The following DMD variants were observed in gnomAD, a reference collection of about 807,000 sequenced individuals.
DMD encodes the protein mutant dystrophin.
Under a neutral mutation model 330.1 loss-of-function variants are expected in DMD, and 63 were observed. The ratio of observed to expected loss-of-function variants is 0.19; its 90% CI spans 0.16 to 0.24. DMD has a LOEUF of 0.24. DMD is among the 10% of genes least tolerant of loss of function. The pLI is 1.00. For synonymous variants in DMD, 1,223 were observed against 959.8 expected (o/e 1.27, Z -5.07); for missense variants, 3,344 against 2,684.1 (o/e 1.25, Z -5.43).
intron 1 of DMD, among the ~76,000 whole-genome samples, chrX:33,052,914 T>C (rs956385561): frequency 2.7e-5 from 3 of 111,849 alleles, no homozygotes; most frequent in Non-Finnish European, 3.8e-5. Flanking sequence ...TATCAAAATA[T>C]CTCATGTGCT....
In DMD at chrX:31,487,512, C is replaced by T. The variant is rs766052062; in HGVS notation, c.8548-8409G>A. ...CTTGATCTCCGGACCTCGGTTAACA[C>T]ATTTTTAAGTGCACAAATCGGTATT... On this transcript the variant is annotated intron_variant, in intron 57 of 78. Coordinates refer to ENST00000357033, the MANE Select transcript of DMD (RefSeq NM_004006.3). Among the ~76,000 whole-genome samples the T allele has an allele frequency of 8.9e-5, 10 of 111,809 alleles. No individual in the cohort carries two copies. The East Asian group carries it at 2.5e-3, about 28-fold the overall frequency.
intron 1 of DMD, among the ~76,000 whole-genome samples, chrX:33,051,212 CTT>C (rs60096455): frequency 6.7e-5 from 6 of 90,041 alleles, no homozygotes; most frequent in Admixed American, 2.5e-4. Context: ...ACTGACTTTT[CTT>C]TTTTTTTTTT....
At chrX:31,764,895 G>A (rs6527116) in intron 51 of DMD, among the ~76,000 whole-genome samples, 26,068 of 110,690 alleles carry the variant, frequency 0.24, 2,198 homozygotes, top group East Asian at 0.26. Flanking sequence ...AAAATATAAA[G>A]GTAAGGGAAC....
At chrX:32,267,244 C>T (rs1269441193) in intron 43 of DMD, among the ~76,000 whole-genome samples, 1 of 112,230 alleles carries the variant, frequency 8.9e-6, no homozygotes, top group Non-Finnish European at 1.9e-5. Context: ...TCATGTCTCT[C>T]TTAAACTTTC....
At chrX:32,927,884 A>G (rs1453302085) in intron 2 of DMD, among the ~76,000 whole-genome samples, 1 of 111,172 alleles carries the variant, frequency 9.0e-6, no homozygotes, top group Non-Finnish European at 1.9e-5. Context: ...CCGCTTGTAA[A>G]ATGCAGCATG....
At chrX:31,736,811 G>A (rs1431087217) in intron 51 of DMD, among the ~76,000 whole-genome samples, 1 of 110,778 alleles carries the variant, frequency 9.0e-6, no homozygotes, top group Non-Finnish European at 1.9e-5. Flanking sequence ...ATGAACTCTG[G>A]AGTCAGGCTT....
At chrX:33,109,346 T>C (rs1048143427) in intron 1 of DMD, among the ~76,000 whole-genome samples, 1 of 111,924 alleles carries the variant, frequency 8.9e-6, no homozygotes, top group African/African-American at 3.2e-5. Context: ...TGTCTTAATC[T>C]AGAACAGTTT....
intron 55 of DMD, among the ~76,000 whole-genome samples, chrX:31,547,262 G>A (rs1298920891): frequency 1.8e-5 from 2 of 111,754 alleles, no homozygotes; most frequent in African/African-American, 6.5e-5. Context: ...ATATACACAT[G>A]GTCTTATTAA....
intron 1 of DMD, among the ~76,000 whole-genome samples, chrX:33,130,559 A>ATATATATAATATATATATT (rs2095492997): frequency 9.6e-6 from 1 of 103,865 alleles, no homozygotes; most frequent in African/African-American, 3.7e-5. Context: ...TATATATATA[A>ATATATATAATATATATATT]ATATATATAT....
chrX:31,138,943 C>T (rs999483734), intron 76 of DMD, among the ~76,000 whole-genome samples: 4 of 111,809 alleles, frequency 3.6e-5, no homozygotes, highest in African/African-American at 1.3e-4. Context: ...TCACCAAAAA[C>T]AAAAACACCT....
rs112685736 is a variant in DMD at position 32,532,667 on chromosome X, A to T, written c.2168+12492T>A. On this transcript the variant is annotated intron_variant, in intron 17 of 78. Transcript: ENST00000357033. ...ATATACATATTAGCTATTGTTATTA[A>T]TATCTTCCATGATCCTTTTTTAACT... Among the ~76,000 whole-genome samples the T allele has an allele frequency of 3.7e-3, 417 of 112,633 alleles. 2 individuals carry two copies. The highest frequency in any genetic ancestry group is 0.011 in the African/African-American group (350 of 30,987).
intron 34 of DMD, among the ~76,000 whole-genome samples, 166 bp from the exon 35 acceptor site, chrX:32,365,365 G>A (rs919020643): frequency 9.0e-6 from 1 of 111,062 alleles, no homozygotes; most frequent in Non-Finnish European, 1.9e-5. Flanking sequence ...AAGCTTCATT[G>A]TTGGGTAACT....
intron 7 of DMD, among the ~76,000 whole-genome samples, chrX:32,736,820 G>C (rs1447367365): frequency 1.8e-5 from 2 of 109,312 alleles, no homozygotes; most frequent in Non-Finnish European, 3.8e-5. Context: ...AATGCTAGAT[G>C]ACGAGTTAGT....
chrX:31,551,016 C>T (rs1433225489), intron 55 of DMD, among the ~76,000 whole-genome samples: 1 of 110,789 alleles, frequency 9.0e-6, no homozygotes, highest in African/African-American at 3.3e-5. Flanking sequence ...CCCATCTCTA[C>T]TAAAAATACA....
chrX:33,172,920 C>T (rs972713821), intron 1 of DMD, among the ~76,000 whole-genome samples: 1 of 110,904 alleles, frequency 9.0e-6, no homozygotes, highest in Admixed American at 9.7e-5. Flanking sequence ...GATCAACATC[C>T]TTCTTCAAGG....
intron 2 of DMD, among the ~76,000 whole-genome samples, chrX:32,959,319 A>G (rs1456823340): frequency 9.0e-6 from 1 of 111,275 alleles, no homozygotes; most frequent in Non-Finnish European, 1.9e-5. Flanking sequence ...TCCAACTCTT[A>G]ATAGCTACAT....
intron 1 of DMD, among the ~76,000 whole-genome samples, chrX:33,104,375 G>A (rs754457370): frequency 5.8e-4 from 65 of 111,205 alleles, no homozygotes; most frequent in Admixed American, 2.9e-3. Context: ...CCAGATTGCC[G>A]GTTCCTGCCT....
chrX:31,951,139 A>ATATATATATATG (rs1557025403), intron 45 of DMD, among the ~76,000 whole-genome samples: 1 of 72,242 alleles, frequency 1.4e-5, no homozygotes, highest in African/African-American at 6.1e-5. Context: ...ATATATATAT[A>ATATATATATATG]TGTGTATATA....
chrX:32,691,647 C>A (rs1217266961), intron 9 of DMD, among the ~76,000 whole-genome samples: 1 of 111,267 alleles, frequency 9.0e-6, no homozygotes, highest in African/African-American at 3.3e-5. Flanking sequence ...CTAGCAATCT[C>A]ACTTTTGGAT....
Sources: gnomAD v4.1 joint callset for allele counts (sites outside exome capture counted in the v4.1 genomes callset) on GRCh38, gnomAD v4.1.1 for gene constraint, MANE v1.5 for transcripts, NCBI Gene and HGNC (gene_info 2026-07-23, HGNC 2026-07-21) for gene names.